Variants in NHEJ1 observed in about 807,000 individuals in gnomAD.
NHEJ1 encodes non-homologous end-joining factor 1.
Under a neutral mutation model 39.4 loss-of-function variants are expected in NHEJ1, and 22 were observed. That is an observed-to-expected ratio of 0.56 (90% CI 0.40 to 0.80). The LOEUF (loss-of-function observed/expected upper bound fraction) is 0.80. Ranked by LOEUF, NHEJ1 falls within the 30% of genes least tolerant of loss-of-function variation. The pLI is 0.00. For synonymous variants in NHEJ1, 154 were observed against 135.6 expected (o/e 1.14, Z -0.94); for missense variants, 329 against 357.1 (o/e 0.92, Z 0.63).
chr2:219,071,759 C>T lies in NHEJ1; in HGVS notation c.*4622G>A, dbSNP rs1326789123. Reference sequence around the variant, plus strand: ...GTGCTCCCCACACCCTGGAGCTCTTCCAGTGCTTCTTCCGGGTTCCCCTGG... The same window carrying T: ...GTGCTCCCCACACCCTGGAGCTCTTTCAGTGCTTCTTCCGGGTTCCCCTGG... On this transcript the variant is annotated 3_prime_UTR_variant, in exon 8 of 8. Transcript: ENST00000356853. 6.6e-6 allele frequency among the ~76,000 whole-genome samples: 1 copy of T among 152,202 alleles called. No individual in the cohort carries two copies. The highest frequency in any genetic ancestry group is 2.4e-5 in the African/African-American group (1 of 41,446).
chr2:219,087,242 A>G (rs1574704291), intron 5 of NHEJ1, among the ~76,000 whole-genome samples: 1 of 152,206 alleles, frequency 6.6e-6, no homozygotes, highest in Non-Finnish European at 1.5e-5. Context: ...AAGTGAAACA[A>G]TGTGGTAGAA....
At chr2:219,081,605 G>A (rs1949068079) in intron 5 of NHEJ1, among the ~76,000 whole-genome samples, 1 of 152,198 alleles carries the variant, frequency 6.6e-6, no homozygotes, top group South Asian at 2.1e-4. Context: ...CCTCATAACA[G>A]GTCTGAGTTA....
chr2:219,120,635 A>T (rs4622705), intron 5 of NHEJ1, among the ~76,000 whole-genome samples: 1 of 151,984 alleles, frequency 6.6e-6, no homozygotes, highest in Admixed American at 6.5e-5. Flanking sequence ...AATGAAGAAG[A>T]GGCGATATTT....
chr2:219,129,911 A>G (rs1381430711), intron 5 of NHEJ1, among the ~76,000 whole-genome samples: 1 of 151,604 alleles, frequency 6.6e-6, no homozygotes, highest in African/African-American at 2.4e-5. Flanking sequence ...TTTACTGCCG[A>G]GGTTTCTCTC....
intron 5 of NHEJ1, among the ~76,000 whole-genome samples, chr2:219,080,669 T>TTATATATGCTAATATATATGCTTATATA (rs1949058185): frequency 1.2e-5 from 1 of 86,022 alleles, no homozygotes; most frequent in Admixed American, 1.0e-4. Flanking sequence ...ATATAAGCTT[T>TTATATATGCTAATATATATGCTTATATA]TATATATGCT....
intron 3 of NHEJ1, among the ~76,000 whole-genome samples, chr2:219,154,915 A>G (rs1949836905): frequency 6.8e-6 from 1 of 147,222 alleles, no homozygotes; most frequent in Admixed American, 6.8e-5. Flanking sequence ...TACATATTAT[A>G]TTAATATAGA....
chr2:219,157,741 T>C lies in NHEJ1; in HGVS notation c.178-57A>G, dbSNP rs565737898. On this transcript the variant is annotated intron_variant, in intron 2 of 7. Transcript: ENST00000356853. ...TGCTAAAAGGAAACTAATTCCCTCA[T>C]AAGTAACAGCAAAGGAAAGCCCTGG... 9.9e-6 allele frequency: 14 copies of C among 1,413,094 alleles called. No homozygotes were observed. The South Asian group carries it at 1.6e-4, about 16-fold the overall frequency. 87.5% of individuals were successfully genotyped at this position (1,413,094 alleles called of 1,614,324 possible). A position where few individuals can be genotyped will look rare whatever the true frequency, so the allele number is the denominator to read the frequency against.
At chr2:219,108,197 T>G (rs1949331331) in intron 5 of NHEJ1, among the ~76,000 whole-genome samples, 1 of 152,174 alleles carries the variant, frequency 6.6e-6, no homozygotes, top group South Asian at 2.1e-4. Context: ...AGACCCTGTA[T>G]TATATGCCTT....
intron 5 of NHEJ1, among the ~76,000 whole-genome samples, chr2:219,141,181 A>G (rs572593903): frequency 6.6e-6 from 1 of 152,320 alleles, no homozygotes; most frequent in African/African-American, 2.4e-5. Context: ...GGAGTTCAAG[A>G]CCAGCCTGGC....
rs897909681 is a variant in NHEJ1 at position 219,070,673 on chromosome 2, C to A, written c.*5708G>T. On this transcript the variant is annotated 3_prime_UTR_variant, in exon 8 of 8. Coordinates refer to ENST00000356853, the MANE Select transcript of NHEJ1 (RefSeq NM_024782.3). ...CTTTAGCACAATCCAGACACTCAAT[C>A]TTTTCTTTCTTTTTTTTTTTTAATT... Among the ~76,000 whole-genome samples the A allele has an allele frequency of 6.6e-6, 1 of 152,004 alleles. No homozygotes were observed. The highest frequency in any genetic ancestry group is 1.9e-4 in the East Asian group (1 of 5,198).
rs1260441871 is a variant in NHEJ1 at position 219,075,363 on chromosome 2, A to G, written c.*1018T>C. 6.6e-6 allele frequency: 1 copy of G among 152,228 alleles called. No homozygotes were observed. Among genetic ancestry groups the G allele is most frequent in the East Asian group, 1.9e-4 (1 of 5,208 alleles). The allele number at this position is 152,228 out of a possible 1,614,324, so 9.4% of individuals were successfully genotyped here. A position where few individuals can be genotyped will look rare whatever the true frequency, so the allele number is the denominator to read the frequency against. ...ATAATTATTTTATTATTGTTTGATC[A>G]TCTTCTCTCGAGACTTGACATCAGG... is the stretch of plus-strand genomic sequence containing the variant. On this transcript the variant is annotated 3_prime_UTR_variant, in exon 8 of 8. Coordinates refer to ENST00000356853, the MANE Select transcript of NHEJ1 (RefSeq NM_024782.3).
chr2:219,103,004 C>CAA (rs34361973), intron 5 of NHEJ1, among the ~76,000 whole-genome samples: 907 of 31,452 alleles, frequency 0.029, 131 homozygotes, highest in Middle Eastern at 0.11. Context: ...GACTCCGTCT[C>CAA]AAAAAAAAAA....
rs1274292962 is a variant in NHEJ1, at chr2:219,093,888, G to A, written c.589-15682C>T. On this transcript the variant is annotated intron_variant, in intron 5 of 7. Transcript: ENST00000356853. ...GCAGTGACTACTGAAGTCCAAGCAC[G>A]GAACGTGTGTGGAGGAAATCTCCAG... Among the ~76,000 whole-genome samples the A allele has an allele frequency of 5.3e-5, 8 of 152,318 alleles. No individual in the cohort carries two copies. The East Asian group carries it at 5.8e-4, about 11-fold the overall frequency.
chr2:219,126,707 G>C (rs1949526845), intron 5 of NHEJ1, among the ~76,000 whole-genome samples: 1 of 152,092 alleles, frequency 6.6e-6, no homozygotes, highest in Admixed American at 6.5e-5. Flanking sequence ...TGTTGATATG[G>C]CCTACGATAG....
At chr2:219,144,955 C>T (rs905173373) in intron 5 of NHEJ1, among the ~76,000 whole-genome samples, 2 of 152,132 alleles carry the variant, frequency 1.3e-5, no homozygotes, top group Non-Finnish European at 2.9e-5. Context: ...TGGCTCACAT[C>T]TATAATCCCA....
rs1348600796 is a variant in NHEJ1, at chr2:219,146,856, A to G, written c.530-118T>C. 13 of 787,252 alleles carry G rather than the reference A, an allele frequency of 1.7e-5. No individual in the cohort carries two copies. The Admixed American group carries it at 2.6e-4, about 16-fold the overall frequency. 48.8% of individuals were successfully genotyped at this position (787,252 alleles called of 1,614,324 possible). ...AAGAGGAGGAAGGTGCATCATGCAG[A>G]GACACCTAGTTCAGTGGGAGAAGAA... On this transcript the variant is annotated intron_variant, in intron 4 of 7. Transcript: ENST00000356853.
rs1298942265 is a variant in NHEJ1, at chr2:219,076,270, C to T, written c.*111G>A. ...TCAGTTCTCTCGCCCTTACAGGAGG[C>T]CTCTGACTGTATCACTATTTTAGAA... On this transcript the variant is annotated 3_prime_UTR_variant, in exon 8 of 8. Coordinates refer to ENST00000356853, the MANE Select transcript of NHEJ1 (RefSeq NM_024782.3). The T allele has an allele frequency of 6.3e-7, 1 of 1,592,902 alleles. No individual in the cohort carries two copies. The highest frequency in any genetic ancestry group is 8.6e-7 in the Non-Finnish European group (1 of 1,169,350).
At chr2:219,139,170 C>G (rs1949666205) in intron 5 of NHEJ1, among the ~76,000 whole-genome samples, 1 of 152,046 alleles carries the variant, frequency 6.6e-6, no homozygotes, top group Admixed American at 6.6e-5. Flanking sequence ...TCACTGCAAC[C>G]TCTGCCTCCC....
At chr2:219,107,514 C>T (rs1949325315) in intron 5 of NHEJ1, among the ~76,000 whole-genome samples, 1 of 152,158 alleles carries the variant, frequency 6.6e-6, no homozygotes, top group Non-Finnish European at 1.5e-5. Context: ...CAAGAAACAG[C>T]AATGTCTATC....
Sources: allele counts gnomAD v4.1 joint callset (sites outside exome capture counted in the v4.1 genomes callset), GRCh38; gene constraint gnomAD v4.1.1; transcripts MANE v1.5; gene names NCBI Gene and HGNC (gene_info 2026-07-23, HGNC 2026-07-21).